ZNF586: variants seen among roughly 807,000 people sequenced by gnomAD.
ZNF586 encodes the protein zinc finger protein 586.
Under a neutral mutation model 6.7 loss-of-function variants are expected in ZNF586, and 7 were observed. The observed-to-expected ratio is 1.04, with a 90% CI of 0.59 to 1.95. The LOEUF (loss-of-function observed/expected upper bound fraction) is 1.95. ZNF586 is among the 30% of genes most tolerant of loss of function. ZNF586 has a pLI of 0.00. For missense variants in ZNF586, 442 were observed against 489.6 expected (o/e 0.90, Z 0.92); for synonymous variants, 166 against 168.7 (o/e 0.98, Z 0.12).
intron 1 of ZNF586, among the ~76,000 whole-genome samples, chr19:57,775,721 G>A (rs1987220192): frequency 6.6e-6 from 1 of 150,732 alleles, no homozygotes; most frequent in South Asian, 2.1e-4. Context: ...TCCTGTCTCA[G>A]GCTCCTGAGT....
At chr19:57,774,527 A>AAT (rs1481955605) in intron 1 of ZNF586, among the ~76,000 whole-genome samples, 2 of 135,774 alleles carry the variant, frequency 1.5e-5, no homozygotes, top group Non-Finnish European at 3.1e-5. Context: ...CCATCTCAAA[A>AAT]ATATAAATAA....
intron 1 of ZNF586, among the ~76,000 whole-genome samples, chr19:57,775,882 G>A (rs757258016): frequency 1.2e-4 from 19 of 152,084 alleles, no homozygotes; most frequent in Non-Finnish European, 2.4e-4. Context: ...GATTACAGGC[G>A]TGCGCCACCG....
intron 1 of ZNF586, among the ~76,000 whole-genome samples, chr19:57,774,251 G>A (rs191666701): frequency 8.9e-4 from 120 of 135,350 alleles, no homozygotes; most frequent in African/African-American, 3.1e-3. Flanking sequence ...AGCCGGGCGC[G>A]GTGGCTCACA....
At chr19:57,770,013 C>T in intron 1 of ZNF586, 135 bp downstream of exon 1, 1 of 842,376 alleles carries the variant, frequency 1.2e-6, no homozygotes, top group Admixed American at 3.5e-5. Flanking sequence ...CGGGTGGGAT[C>T]CCTGTTTCCG....
rs757521653 is a variant in ZNF586 at position 57,778,783 on chromosome 19, C to A, written c.196C>A (p.Pro66Thr). ...GCATGGAGGGGAAGATGAGGCAGCA[C>A]CTTCTAAGCAGAGCACGTGTATACA... ...CWHGGEDEAA[P>T]SKQSTCIHIY... is the part of the protein sequence containing the mutation. Residue 66 changes from proline to threonine, a missense_variant, in exon 3 of 3, where the codon CCT (proline) becomes ACT (threonine). Physicochemically the swap from Pro to Thr is conservative, Grantham distance 38. Transcript: ENST00000396154. The A allele has an allele frequency of 3.7e-6, 6 of 1,611,108 alleles. No individual in the cohort carries two copies. The Middle Eastern group carries it at 4.9e-4, about 133-fold the overall frequency.
At position 57,779,488 on chromosome 19, in the gene ZNF586, T is replaced by G. The variant is rs200035337; in HGVS notation, c.901T>G (p.Leu301Val). ...TAGTGAATGTGGGAAATCCTTTAGCTTAAGGTCCAACCTCATTCACCATCA... is the reference window on the plus strand; with the variant it reads ...TAGTGAATGTGGGAAATCCTTTAGCGTAAGGTCCAACCTCATTCACCATCA... ...ECSECGKSFSLRSNLIHHQRV... is the reference protein window; with the variant it reads ...ECSECGKSFSVRSNLIHHQRV... The change falls in exon 3 of 3, where the codon TTA (leucine) becomes GTA (valine). Residue 301 changes from leucine (L) to valine (V), a missense_variant. Physicochemically the swap from Leu to Val is conservative, Grantham distance 32. Coordinates refer to ENST00000396154, the MANE Select transcript of ZNF586 (RefSeq NM_017652.4). The G allele has an allele frequency of 1.4e-5, 23 of 1,614,010 alleles. No homozygotes were observed. In the East Asian group the frequency reaches 3.1e-4, roughly 22 times the overall value.
intron 1 of ZNF586, among the ~76,000 whole-genome samples, chr19:57,772,164 GA>G (rs1403804871): frequency 1.3e-5 from 2 of 152,156 alleles, no homozygotes; most frequent in Admixed American, 6.6e-5. Context: ...AGCTTGAGAG[GA>G]TTCAGGAAAC....
At chr19:57,775,628 G>A in intron 1 of ZNF586, among the ~76,000 whole-genome samples, 1 of 136,764 alleles carries the variant, frequency 7.3e-6, no homozygotes, top group Admixed American at 7.3e-5. Context: ...TTTGAGACAG[G>A]GTCTTGCTCC....
chr19:57,774,839 T>C (rs1367586245), intron 1 of ZNF586: 1 of 743,206 alleles, frequency 1.3e-6, no homozygotes. Flanking sequence ...GCTACCTTCA[T>C]GTCTGGTGAT....
intron 1 of ZNF586, among the ~76,000 whole-genome samples, chr19:57,771,302 A>G (rs1233202893): frequency 1.5e-4 from 3 of 20,092 alleles, no homozygotes; most frequent in African/African-American, 1.7e-3. Context: ...CTCCGTCTGA[A>G]AAAAAAAAAA....
Position 57,771,942 on chromosome 19 carries a change from A to G in ZNF586, c.36+2064A>G, listed in dbSNP as rs1388647329. On this transcript the variant is annotated intron_variant, in intron 1 of 2. Coordinates refer to ENST00000396154, the MANE Select transcript of ZNF586 (RefSeq NM_017652.4). ...TGAGTTCAAGCGATTCTCCTGCCTCAGCCTCCGAAGTAGCTGGGATTACAG... is the reference window on the plus strand; with the variant it reads ...TGAGTTCAAGCGATTCTCCTGCCTCGGCCTCCGAAGTAGCTGGGATTACAG... Among the ~76,000 whole-genome samples, 4 of 152,106 alleles carry G rather than the reference A, an allele frequency of 2.6e-5. No individual in the cohort carries two copies. The East Asian group carries it at 7.7e-4, about 29-fold the overall frequency.
intron 2 of ZNF586, among the ~76,000 whole-genome samples, chr19:57,777,729 C>T (rs1026754315): frequency 4.2e-5 from 6 of 141,972 alleles, no homozygotes; most frequent in East Asian, 4.1e-4. Context: ...TTTTGTATTA[C>T]GAAGTATATA....
chr19:57,777,619 T>TA, intron 2 of ZNF586, among the ~76,000 whole-genome samples: 1 of 152,270 alleles, frequency 6.6e-6, no homozygotes, highest in African/African-American at 2.4e-5. Context: ...CTTCTGCTGT[T>TA]ACATCCAGCC....
At chr19:57,778,437 G>A (rs544287684) in intron 2 of ZNF586, among the ~76,000 whole-genome samples, 1 of 152,168 alleles carries the variant, frequency 6.6e-6, no homozygotes, top group East Asian at 1.9e-4. Context: ...CATGTTGGGG[G>A]GGGCCTGGAC....
chr19:57,778,805 T>C lies in ZNF586; in HGVS notation c.218T>C (p.Ile73Thr). 2 of 1,614,032 alleles carry C rather than the reference T, an allele frequency of 1.2e-6. No homozygotes were observed. Among genetic ancestry groups the C allele is most frequent in the Non-Finnish European group, 1.7e-6 (2 of 1,179,972 alleles). The change falls in exon 3 of 3, where the codon ATA becomes ACA. Residue 73 changes from isoleucine to threonine, a missense_variant. Coordinates refer to ENST00000396154, the MANE Select transcript of ZNF586 (RefSeq NM_017652.4). ...EAAPSKQSTC[I>T]HIYKDQGGHS... Reference sequence around the variant, plus strand: ...GCACCTTCTAAGCAGAGCACGTGTATACATATATACAAAGACCAGGGAGGT... The same window carrying C: ...GCACCTTCTAAGCAGAGCACGTGTACACATATATACAAAGACCAGGGAGGT...
At chr19:57,775,541 C>T (rs1228096094) in intron 1 of ZNF586, among the ~76,000 whole-genome samples, 1 of 151,328 alleles carries the variant, frequency 6.6e-6, no homozygotes, top group Non-Finnish European at 1.5e-5. Flanking sequence ...TTATGGGAAT[C>T]AGGGACTATC....
Position 57,779,290 on chromosome 19 carries a change from G to A in ZNF586, c.703G>A (p.Glu235Lys), listed in dbSNP as rs1987320107. 5 of 1,614,186 alleles carry A rather than the reference G, an allele frequency of 3.1e-6. No individual in the cohort carries two copies. Among genetic ancestry groups the A allele is most frequent in the South Asian group, 1.1e-5 (1 of 91,088 alleles). The change falls in exon 3 of 3, where the codon GAG (glutamate) becomes AAG (lysine). Residue 235 changes from glutamate to lysine, a missense_variant. By Grantham distance (56) the Glu-to-Lys change is moderately conservative (BLOSUM62 1). Transcript: ENST00000396154. ...RRIHTGERPY[E>K]CSECGRSFAE... is the part of the protein sequence containing the mutation. ...GATTCACACTGGAGAGAGGCCTTAT[G>A]AGTGCAGTGAATGTGGGAGATCCTT...
chr19:57,769,850 C>T lies in ZNF586; in HGVS notation c.8C>T (p.Ala3Val). ...CCCCCCCCGCCCAGAGTCATGGCGG[C>T]AGCAGCCGCTCTGAGGGCGCCTGCT... Reference protein sequence around the residue: MAAAAALRAPAQS... With the variant: MAVAAALRAPAQS... Residue 3 changes from alanine to valine, a missense_variant, in exon 1 of 3, where the codon GCA becomes GTA. By Grantham distance (64) the Ala-to-Val change is moderately conservative. Coordinates refer to ENST00000396154, the MANE Select transcript of ZNF586 (RefSeq NM_017652.4). 1 of 1,542,934 alleles carries T rather than the reference C, an allele frequency of 6.5e-7. No individual in the cohort carries two copies. The highest frequency in any genetic ancestry group is 8.7e-7 in the Non-Finnish European group (1 of 1,145,348).
chr19:57,774,480 G>A (rs908974753), intron 1 of ZNF586, among the ~76,000 whole-genome samples: 4 of 151,382 alleles, frequency 2.6e-5, no homozygotes, highest in Admixed American at 6.6e-5. Flanking sequence ...CTGAGATCGC[G>A]CCATTGCACT....
Sources: gnomAD v4.1 joint callset for allele counts (sites outside exome capture counted in the v4.1 genomes callset) on GRCh38, gnomAD v4.1.1 for gene constraint, MANE v1.5 for transcripts, NCBI Gene and HGNC (gene_info 2026-07-23, HGNC 2026-07-21) for gene names.